CDH13: variants seen among roughly 807,000 people sequenced by gnomAD.
The protein encoded by CDH13 is cadherin 13.
Under a neutral mutation model 63.8 loss-of-function variants are expected in CDH13, and 24 were observed. The ratio of observed to expected loss-of-function variants is 0.38; its 90% CI spans 0.27 to 0.53. The LOEUF is 0.53. Among genes scored for constraint, CDH13 ranks in the 20% least tolerant of loss-of-function variants. The pLI is 0.85. For synonymous variants in CDH13, 503 were observed against 355.3 expected (o/e 1.42, Z -4.67); for missense variants, 1,049 against 903.1 (o/e 1.16, Z -2.07).
chr16:82,837,300 TGTG>T (rs1334738321), intron 1 of CDH13, among the ~76,000 whole-genome samples: 1 of 152,140 alleles, frequency 6.6e-6, no homozygotes, highest in African/African-American at 2.4e-5. Flanking sequence ...CTCAGAGGCT[TGTG>T]GTGAGGATTA....
intron 4 of CDH13, among the ~76,000 whole-genome samples, chr16:83,179,719 C>G (rs8062236): frequency 0.013 from 1,979 of 151,968 alleles, 35 homozygotes; most frequent in African/African-American, 0.044. Context: ...GTCACAGAAC[C>G]AGAGTTTGAA....
At chr16:82,858,561 T>G (rs1194449915) in intron 2 of CDH13, 88 bp downstream of exon 2, 3 of 877,908 alleles carry the variant, frequency 3.4e-6, no homozygotes, top group African/African-American at 3.3e-5. Context: ...ATGTGGTATT[T>G]CCTAAACTAA....
intron 1 of CDH13, among the ~76,000 whole-genome samples, chr16:82,805,158 C>T (rs1403807463): frequency 6.6e-6 from 1 of 152,124 alleles, no homozygotes; most frequent in Admixed American, 6.5e-5. Context: ...TCATGCTCAG[C>T]CCCCAGGTCC....
chr16:83,016,292 A>T (rs1196343073), intron 2 of CDH13, among the ~76,000 whole-genome samples: 1 of 152,258 alleles, frequency 6.6e-6, no homozygotes, highest in Non-Finnish European at 1.5e-5. Flanking sequence ...AGTCTTGTCA[A>T]CTAGACAGAA....
At chr16:83,238,913 C>T (rs546089171) in intron 5 of CDH13, among the ~76,000 whole-genome samples, 4 of 152,158 alleles carry the variant, frequency 2.6e-5, no homozygotes, top group Non-Finnish European at 4.4e-5. Context: ...ATCCTATTCT[C>T]CTCACCTTTG....
chr16:83,716,336 G>T (rs1283664359), intron 10 of CDH13, among the ~76,000 whole-genome samples: 1 of 152,138 alleles, frequency 6.6e-6, no homozygotes, highest in Non-Finnish European at 1.5e-5. Context: ...CCGTGGGTTT[G>T]GGCAAATGTA....
At chr16:83,161,352 CAAAT>C (rs146430218) in intron 4 of CDH13, among the ~76,000 whole-genome samples, 11,143 of 151,902 alleles carry the variant, frequency 0.073, 1,339 homozygotes, top group African/African-American at 0.25. Flanking sequence ...AAGAAATCAT[CAAAT>C]AAATAAATAA....
intron 2 of CDH13, among the ~76,000 whole-genome samples, chr16:82,949,806 T>G (rs1179569113): frequency 6.6e-6 from 1 of 152,162 alleles, no homozygotes; most frequent in East Asian, 1.9e-4. Context: ...GTGTTAATTA[T>G]AAGTTGCTTT....
intron 1 of CDH13, among the ~76,000 whole-genome samples, chr16:82,640,825 G>C (rs8057090): frequency 0.65 from 98,393 of 152,142 alleles, 32,646 homozygotes; most frequent in East Asian, 0.89. Flanking sequence ...AATTCTCAGA[G>C]TAGATCTAAC....
chr16:83,140,881 T>C (rs58591065), intron 4 of CDH13, among the ~76,000 whole-genome samples: 37,768 of 152,196 alleles, frequency 0.25, 4,838 homozygotes, highest in African/African-American at 0.31. Context: ...GCACCAAGAA[T>C]GCCCAGCAAT....
intron 1 of CDH13, among the ~76,000 whole-genome samples, chr16:82,807,964 T>C (rs1258830420): frequency 1.3e-5 from 2 of 152,144 alleles, no homozygotes; most frequent in Non-Finnish European, 2.9e-5. Flanking sequence ...AAGGTCAACT[T>C]ATTAACGAGA....
intron 4 of CDH13, among the ~76,000 whole-genome samples, chr16:83,194,282 A>T (rs2038809863): frequency 6.6e-6 from 1 of 152,226 alleles, no homozygotes; most frequent in Non-Finnish European, 1.5e-5. Flanking sequence ...TGAGAACCTC[A>T]GCTTTTAGGA....
At chr16:82,787,452 T>G (rs1238348767) in intron 1 of CDH13, among the ~76,000 whole-genome samples, 1 of 152,360 alleles carries the variant, frequency 6.6e-6, no homozygotes, top group East Asian at 1.9e-4. Flanking sequence ...GGTGGACTGA[T>G]ACCAGATAGT....
At chr16:82,798,361 T>C (rs1351732875) in intron 1 of CDH13, among the ~76,000 whole-genome samples, 3 of 152,206 alleles carry the variant, frequency 2.0e-5, no homozygotes, top group African/African-American at 4.8e-5. Context: ...ACCTAAAATA[T>C]TCATGCACCA....
intron 2 of CDH13, among the ~76,000 whole-genome samples, chr16:82,983,410 C>A (rs765070598): frequency 2.6e-5 from 4 of 152,072 alleles, no homozygotes; most frequent in Non-Finnish European, 4.4e-5. Context: ...GAGATCTGAA[C>A]TTATATGTCA....
chr16:83,588,549 G>A lies in CDH13; in HGVS notation c.961-13905G>A, dbSNP rs138282946. Among the ~76,000 whole-genome samples the A allele has an allele frequency of 4.2e-4, 64 of 152,222 alleles. 1 individual carries two copies. Among genetic ancestry groups the A allele is most frequent in the African/African-American group, 1.3e-3 (55 of 41,532 alleles). ...AGTGTCTCAAGGGGCAAGGCACTGG[G>A]GCTATGGCAGGAATAAGTTAAAGAC... On this transcript the variant is annotated intron_variant, in intron 7 of 13. Transcript: ENST00000567109.
intron 4 of CDH13, among the ~76,000 whole-genome samples, chr16:83,189,820 C>T (rs543026414): frequency 3.9e-5 from 6 of 152,194 alleles, no homozygotes; most frequent in Admixed American, 2.6e-4. Context: ...AATCCCCACA[C>T]GTCACGGGAG....
At chr16:83,363,695 T>C (rs765869593) in intron 6 of CDH13, among the ~76,000 whole-genome samples, 6 of 152,208 alleles carry the variant, frequency 3.9e-5, no homozygotes, top group Non-Finnish European at 5.9e-5. Context: ...GAATCTGTTA[T>C]GAGCAGGATG....
At chr16:83,437,023 A>T (rs1218499537) in intron 6 of CDH13, among the ~76,000 whole-genome samples, 2 of 152,202 alleles carry the variant, frequency 1.3e-5, no homozygotes, top group Non-Finnish European at 2.9e-5. Flanking sequence ...ATCAAAGTCA[A>T]AACAACTAAC....
Sources: allele counts gnomAD v4.1 joint callset (sites outside exome capture counted in the v4.1 genomes callset), GRCh38; gene constraint gnomAD v4.1.1; transcripts MANE v1.5; gene names NCBI Gene and HGNC (gene_info 2026-07-23, HGNC 2026-07-21).